The following IL1RAPL1 variants were observed in gnomAD, a reference collection of about 807,000 sequenced individuals.
IL1RAPL1 encodes interleukin 1 receptor accessory protein like 1.
A neutral mutation model predicts 48.4 loss-of-function variants in IL1RAPL1; 3 were observed. That is an observed-to-expected ratio of 0.06 (90% CI 0.03 to 0.16). IL1RAPL1 has a LOEUF of 0.16. IL1RAPL1 is among the 10% of genes least tolerant of loss of function. The pLI, the probability that IL1RAPL1 is intolerant of heterozygous loss-of-function variation, is 1.00. For missense variants in IL1RAPL1, 349 were observed against 530.6 expected, an observed-to-expected ratio of 0.66 and a Z score of 3.36; for synonymous variants, 185 against 187.7, an observed-to-expected ratio of 0.99 and a Z score of 0.12.
chrX:29,074,634 T>C, intron 2 of IL1RAPL1, among the ~76,000 whole-genome samples: 1 of 111,480 alleles, frequency 9.0e-6, no homozygotes. Flanking sequence ...ATTCTTATAA[T>C]TTACATCTGT....
At chrX:28,998,052 A>G (rs1325193213) in intron 2 of IL1RAPL1, among the ~76,000 whole-genome samples, 1 of 112,152 alleles carries the variant, frequency 8.9e-6, no homozygotes, top group Non-Finnish European at 1.9e-5. Context: ...TTCCCAGGCA[A>G]GTGTTCTCTC....
intron 2 of IL1RAPL1, among the ~76,000 whole-genome samples, chrX:28,900,350 C>T (rs1923041488): frequency 9.0e-6 from 1 of 111,655 alleles, no homozygotes; most frequent in Non-Finnish European, 1.9e-5. Context: ...CATTAAATTA[C>T]GGATAAAACA....
intron 8 of IL1RAPL1, among the ~76,000 whole-genome samples, chrX:29,929,719 C>T (rs754534663): frequency 9.0e-6 from 1 of 111,152 alleles, no homozygotes; most frequent in South Asian, 3.7e-4. Context: ...ATTTTCAAAG[C>T]CTGAAAGTAT....
chrX:29,803,224 TATAC>T (rs1569173931), intron 6 of IL1RAPL1, among the ~76,000 whole-genome samples: 18 of 27,314 alleles, frequency 6.6e-4, no homozygotes, highest in Non-Finnish European at 9.9e-4. Context: ...TATGTATACA[TATAC>T]ACACATGTAT....
At chrX:29,351,784 C>G (rs780998102) in intron 3 of IL1RAPL1, among the ~76,000 whole-genome samples, 1 of 111,764 alleles carries the variant, frequency 8.9e-6, no homozygotes, top group South Asian at 3.8e-4. Flanking sequence ...GTGTTCTTAA[C>G]TTTTGTGCTT....
At chrX:29,068,259 A>G (rs1190143991) in intron 2 of IL1RAPL1, among the ~76,000 whole-genome samples, 5 of 112,311 alleles carry the variant, frequency 4.5e-5, no homozygotes, top group African/African-American at 1.6e-4. Flanking sequence ...ATGAACTTTT[A>G]TGCTATGCTT....
chrX:29,240,475 T>A (rs1168249494), intron 2 of IL1RAPL1, among the ~76,000 whole-genome samples: 1 of 108,087 alleles, frequency 9.3e-6, no homozygotes, highest in Non-Finnish European at 1.9e-5. Context: ...CCTCAGGTGA[T>A]CCGCCCTTCT....
At chrX:29,161,921 A>T (rs960444885) in intron 2 of IL1RAPL1, among the ~76,000 whole-genome samples, 3 of 112,353 alleles carry the variant, frequency 2.7e-5, no homozygotes, top group Non-Finnish European at 5.6e-5. Context: ...TGTGTATTGC[A>T]GCACTATTCA....
chrX:29,325,660 T>A (rs1188639823), intron 3 of IL1RAPL1, among the ~76,000 whole-genome samples: 1 of 112,261 alleles, frequency 8.9e-6, no homozygotes, highest in Non-Finnish European at 1.9e-5. Flanking sequence ...CTCTTTGAAA[T>A]CCTTATCTGT....
chrX:29,778,320 C>A (rs1242512815), intron 6 of IL1RAPL1, among the ~76,000 whole-genome samples: 2 of 110,850 alleles, frequency 1.8e-5, no homozygotes, highest in Non-Finnish European at 3.8e-5. Context: ...TAGGGGAGTG[C>A]CGGGGGAAAA....
chrX:29,020,837 A>G (rs1347240500), intron 2 of IL1RAPL1, among the ~76,000 whole-genome samples: 1 of 112,292 alleles, frequency 8.9e-6, no homozygotes, highest in East Asian at 2.8e-4. Flanking sequence ...TTGTTCAGGA[A>G]TCATATTTAA....
At chrX:29,493,305 C>G (rs1476690902) in intron 5 of IL1RAPL1, among the ~76,000 whole-genome samples, 2 of 111,976 alleles carry the variant, frequency 1.8e-5, no homozygotes, top group Non-Finnish European at 3.8e-5. Context: ...GGGGATACCA[C>G]AGATACAGAT....
intron 2 of IL1RAPL1, among the ~76,000 whole-genome samples, chrX:28,850,395 A>C (rs1482248872): frequency 9.1e-6 from 1 of 109,713 alleles, no homozygotes; most frequent in Non-Finnish European, 1.9e-5. Context: ...GCTTCTAGTC[A>C]GTGACAGAGT....
At chrX:28,796,166 G>A (rs1376893905) in intron 2 of IL1RAPL1, among the ~76,000 whole-genome samples, 1 of 111,724 alleles carries the variant, frequency 9.0e-6, no homozygotes, top group Non-Finnish European at 1.9e-5. Context: ...ACCTCCCACT[G>A]GGTTCCTCCC....
rs201446497 is a variant in IL1RAPL1, at chrX:29,378,044, G to GT, written c.363-18200dup. On this transcript the variant is annotated intron_variant, in intron 3 of 10. Coordinates refer to ENST00000378993, the MANE Select transcript of IL1RAPL1 (RefSeq NM_014271.4). ...GCACATAATTCCCTATTTCTTTGAG[G>GT]TTTTTTTTTTTTTTCATTTTAAAAA... is the stretch of plus-strand genomic sequence containing the variant. 5.9e-3 allele frequency among the ~76,000 whole-genome samples: 509 copies of GT among 85,561 alleles called. 1 individual carries two copies. The highest frequency in any genetic ancestry group is 0.017 in the African/African-American group (401 of 24,093). The allele number at this position is 85,561 out of a possible 115,157, so 74.3% of individuals were successfully genotyped here.
intron 3 of IL1RAPL1, among the ~76,000 whole-genome samples, chrX:29,336,572 T>C (rs968878396): frequency 1.8e-5 from 2 of 110,116 alleles, no homozygotes; most frequent in African/African-American, 3.3e-5. Flanking sequence ...GTTAATAAGA[T>C]AAAAGCATAA....
intron 6 of IL1RAPL1, among the ~76,000 whole-genome samples, chrX:29,702,762 T>A (rs1927087895): frequency 8.9e-6 from 1 of 112,528 alleles, no homozygotes; most frequent in Non-Finnish European, 1.9e-5. Context: ...CTAAAACTAA[T>A]CCTTAAAAGG....
chrX:29,593,053 A>C (rs1923431458), intron 5 of IL1RAPL1, among the ~76,000 whole-genome samples: 1 of 112,221 alleles, frequency 8.9e-6, no homozygotes, highest in African/African-American at 3.2e-5. Flanking sequence ...GTTCTTGCAG[A>C]GTGGGAAACA....
At chrX:29,198,806 C>T (rs1930494823) in intron 2 of IL1RAPL1, among the ~76,000 whole-genome samples, 1 of 111,487 alleles carries the variant, frequency 9.0e-6, no homozygotes, top group African/African-American at 3.3e-5. Context: ...AACGAAATCT[C>T]TTGGTGTGGG....
Sources: allele counts gnomAD v4.1 joint callset (sites outside exome capture counted in the v4.1 genomes callset), GRCh38; gene constraint gnomAD v4.1.1; transcripts MANE v1.5; gene names NCBI Gene and HGNC (gene_info 2026-07-23, HGNC 2026-07-21).